RBFOX1: variants seen among roughly 807,000 people sequenced by gnomAD.
The protein encoded by RBFOX1 is RNA binding protein fox-1 homolog 1.
Under a neutral mutation model 57.7 loss-of-function variants are expected in RBFOX1, and 8 were observed. The ratio of observed to expected loss-of-function variants is 0.14; its 90% CI spans 0.08 to 0.25. RBFOX1 has a LOEUF of 0.25. Ranked by LOEUF, RBFOX1 falls within the 10% of genes least tolerant of loss-of-function variation. The pLI is 1.00. For missense variants in RBFOX1, 611 were observed against 548.5 expected (o/e 1.11, Z -1.14); for synonymous variants, 326 against 222.4 (o/e 1.47, Z -4.15).
At chr16:6,167,459 C>T (rs1482547289) in intron 1 of RBFOX1, among the ~76,000 whole-genome samples, 1 of 152,138 alleles carries the variant, frequency 6.6e-6, no homozygotes, top group Non-Finnish European at 1.5e-5. Flanking sequence ...TTATTCCAGC[C>T]TTCTAACATT....
At chr16:5,785,676 C>A (rs1050168243) in intron 3 of RBFOX1, among the ~76,000 whole-genome samples, 2 of 152,056 alleles carry the variant, frequency 1.3e-5, no homozygotes, top group Admixed American at 1.3e-4. Context: ...TACAGGCATG[C>A]ACCACCATAC....
rs533059418 is a variant in RBFOX1 at position 7,112,976 on chromosome 16, C to T, written c.27+60878C>T. ...GCTGGCACCCTCTGTAAGGCGCTGC[C>T]GAATTGGTTGGTTGTTCTTACATGA... On this transcript the variant is annotated intron_variant, in intron 4 of 15. Coordinates refer to ENST00000550418, the MANE Select transcript of RBFOX1 (RefSeq NM_018723.4). 2.6e-5 allele frequency among the ~76,000 whole-genome samples: 4 copies of T among 152,158 alleles called. No individual in the cohort carries two copies. In the South Asian group the frequency reaches 6.2e-4, roughly 24 times the overall value.
intron 2 of RBFOX1, among the ~76,000 whole-genome samples, chr16:6,485,006 TGA>T (rs1431051771): frequency 1.3e-5 from 2 of 152,330 alleles, no homozygotes; most frequent in East Asian, 1.9e-4. Context: ...CCCTATTTTT[TGA>T]TTTAAATGTG....
chr16:6,770,419 A>T (rs1287532859), intron 3 of RBFOX1, among the ~76,000 whole-genome samples: 1 of 152,196 alleles, frequency 6.6e-6, no homozygotes, highest in Non-Finnish European at 1.5e-5. Flanking sequence ...ATAAAGTTGT[A>T]TTATGTATAC....
chr16:6,031,172 G>A (rs769202528), intron 1 of RBFOX1, among the ~76,000 whole-genome samples: 38 of 152,318 alleles, frequency 2.5e-4, no homozygotes, highest in Non-Finnish European at 4.4e-4. Context: ...ACGGCCTGAA[G>A]ACTGAGAAGG....
chr16:6,167,294 AC>A (rs2096925196), intron 1 of RBFOX1, among the ~76,000 whole-genome samples: 1 of 151,692 alleles, frequency 6.6e-6, no homozygotes, highest in African/African-American at 2.4e-5. Flanking sequence ...AATTGCACCT[AC>A]CCTTTGACGT....
At chr16:6,794,827 G>C (rs945462224) in intron 3 of RBFOX1, among the ~76,000 whole-genome samples, 42 of 152,152 alleles carry the variant, frequency 2.8e-4, no homozygotes, top group African/African-American at 9.4e-4. Context: ...TTTGATGCAG[G>C]CACTGCTTTC....
intron 4 of RBFOX1, among the ~76,000 whole-genome samples, chr16:7,254,880 A>G (rs150481087): frequency 1.1e-4 from 17 of 152,274 alleles, no homozygotes; most frequent in African/African-American, 3.1e-4. Flanking sequence ...GAATTTTTCA[A>G]GAATGTGGTC....
chr16:5,241,911 G>A (rs927445124), intron 1 of RBFOX1, among the ~76,000 whole-genome samples: 2 of 151,842 alleles, frequency 1.3e-5, no homozygotes, highest in Admixed American at 6.6e-5. Context: ...GACCAGCCTG[G>A]GCAACGTGGT....
chr16:7,089,319 A>C (rs1179132740), intron 4 of RBFOX1, among the ~76,000 whole-genome samples: 2 of 152,212 alleles, frequency 1.3e-5, no homozygotes, highest in African/African-American at 2.4e-5. Flanking sequence ...CTATCTAACA[A>C]CACTGAATTC....
At chr16:7,620,085 A>G (rs2059074920) in intron 10 of RBFOX1, among the ~76,000 whole-genome samples, 1 of 152,242 alleles carries the variant, frequency 6.6e-6, no homozygotes, top group South Asian at 2.1e-4. Context: ...GCCAAACACA[A>G]TAGTTCAATA....
intron 4 of RBFOX1, among the ~76,000 whole-genome samples, chr16:7,064,506 G>A (rs922020783): frequency 3.3e-5 from 5 of 151,982 alleles, no homozygotes; most frequent in African/African-American, 1.2e-4. Flanking sequence ...TTAGGACATA[G>A]ACACGCACAA....
intron 3 of RBFOX1, among the ~76,000 whole-genome samples, chr16:6,683,901 T>C (rs1170842169): frequency 6.6e-6 from 1 of 152,022 alleles, no homozygotes; most frequent in Non-Finnish European, 1.5e-5. Context: ...GTTGTAAGAG[T>C]AGAGGGAGAT....
At chr16:7,106,484 G>A (rs954442906) in intron 4 of RBFOX1, among the ~76,000 whole-genome samples, 7 of 151,966 alleles carry the variant, frequency 4.6e-5, no homozygotes, top group Admixed American at 4.6e-4. Context: ...TAAGTCTTTG[G>A]GATTCCTTTA....
intron 2 of RBFOX1, among the ~76,000 whole-genome samples, chr16:6,373,195 C>T (rs113729507): frequency 4.7e-5 from 7 of 148,704 alleles, no homozygotes; most frequent in Non-Finnish European, 7.4e-5. Context: ...GGAGATTCAG[C>T]GGAAGTGTAT....
chr16:6,851,194 A>T (rs2094041689), intron 3 of RBFOX1, among the ~76,000 whole-genome samples: 1 of 152,224 alleles, frequency 6.6e-6, no homozygotes, highest in Non-Finnish European at 1.5e-5. Flanking sequence ...GGTTACATAC[A>T]AAATGATACC....
At chr16:5,510,046 C>G (rs34888795) in intron 2 of RBFOX1, among the ~76,000 whole-genome samples, 27,194 of 152,184 alleles carry the variant, frequency 0.18, 2,489 homozygotes, top group African/African-American at 0.24. Flanking sequence ...AGTTCTGATG[C>G]TCCTTTGCCT....
At chr16:7,520,834 A>C (rs2077369592) in intron 5 of RBFOX1, among the ~76,000 whole-genome samples, 1 of 152,240 alleles carries the variant, frequency 6.6e-6, no homozygotes, top group East Asian at 1.9e-4. Context: ...AAAAAGATCC[A>C]ATCAGACATT....
chr16:5,885,815 A>C (rs541567463), intron 4 of RBFOX1, among the ~76,000 whole-genome samples: 4 of 152,286 alleles, frequency 2.6e-5, no homozygotes, highest in African/African-American at 9.6e-5. Context: ...TAAAGTATCT[A>C]GGTGCTGCTG....
Sources: gnomAD v4.1 joint callset for allele counts (sites outside exome capture counted in the v4.1 genomes callset) on GRCh38, gnomAD v4.1.1 for gene constraint, MANE v1.5 for transcripts, NCBI Gene and HGNC (gene_info 2026-07-23, HGNC 2026-07-21) for gene names.